Variants in DLGAP2 observed in about 807,000 individuals in gnomAD.
The protein encoded by DLGAP2 is DLG associated protein 2, also known as disks large-associated protein 2.
DLGAP2 carries 26 observed loss-of-function variants against 100.3 expected under a neutral mutation model. That is an observed-to-expected ratio of 0.26 (90% CI 0.19 to 0.36). The LOEUF (loss-of-function observed/expected upper bound fraction) is 0.36. Ranked by LOEUF, DLGAP2 falls within the 10% of genes least tolerant of loss-of-function variation. DLGAP2 has a pLI of 1.00. For synonymous variants in DLGAP2, 886 were observed against 630.1 expected (o/e 1.41, Z -6.08); for missense variants, 1,858 against 1,453.2 (o/e 1.28, Z -4.53).
intron 2 of DLGAP2, among the ~76,000 whole-genome samples, chr8:987,220 G>A (rs1800513510): frequency 6.6e-6 from 1 of 152,126 alleles, no homozygotes; most frequent in South Asian, 2.1e-4. Context: ...GCCCTGGCCG[G>A]GGTCGCCTGA....
intron 5 of DLGAP2, among the ~76,000 whole-genome samples, chr8:1,554,734 C>T (rs1040776088): frequency 6.6e-6 from 1 of 152,118 alleles, no homozygotes; most frequent in Non-Finnish European, 1.5e-5. Context: ...TCCCATGTTC[C>T]AGAACTTGGC....
chr8:1,174,564 C>T (rs1454917737), intron 2 of DLGAP2, among the ~76,000 whole-genome samples: 1 of 148,704 alleles, frequency 6.7e-6, no homozygotes, highest in Non-Finnish European at 1.5e-5. Flanking sequence ...GTCATTATTA[C>T]CATCACCACC....
rs150944691 is a variant in DLGAP2 at position 899,258 on chromosome 8, C to T, written c.19-8654C>T. Among the ~76,000 whole-genome samples, 1,349 of 152,330 alleles carry T rather than the reference C, an allele frequency of 8.9e-3. 14 individuals are homozygous for T. Among genetic ancestry groups the T allele is most frequent in the Non-Finnish European group, 0.014 (920 of 68,020 alleles). On this transcript the variant is annotated intron_variant, in intron 1 of 14. Transcript: ENST00000637795. Reference sequence around the variant, plus strand: ...TACGAGCTGTGGTTTTGCCTGAACACGGAAGGTGCAGCACAGCCTGTGAGC... The same window carrying T: ...TACGAGCTGTGGTTTTGCCTGAACATGGAAGGTGCAGCACAGCCTGTGAGC...
At chr8:849,058 C>T (rs1017261437) in intron 1 of DLGAP2, among the ~76,000 whole-genome samples, 59 of 151,386 alleles carry the variant, frequency 3.9e-4, no homozygotes, top group African/African-American at 1.2e-3. Flanking sequence ...TAGGATGTGC[C>T]GTGTCTGTTC....
intron 1 of DLGAP2, 158 bp downstream of exon 1, chr8:737,983 G>T (rs1251646293): frequency 4.5e-5 from 15 of 330,388 alleles, no homozygotes; most frequent in Non-Finnish European, 7.1e-5. Context: ...GGGCCGGAGC[G>T]CTGGGGACCC....
At chr8:1,254,962 CCTCTCATCCTGTCCGGGTGCTGTGTG>C (rs1799145224) in intron 2 of DLGAP2, among the ~76,000 whole-genome samples, 1 of 59,400 alleles carries the variant, frequency 1.7e-5, no homozygotes. Flanking sequence ...GTGTGTGTGT[CCTCTCATCCTGTCCGGGTGCTGTGTG>C]TGTGTCCTCT....
At position 759,625 on chromosome 8, in the gene DLGAP2, G is replaced by T. The variant is rs185825563; in HGVS notation, c.18+21800G>T. Reference sequence around the variant, plus strand: ...GGCTGCACGTTCCCGGGACTGGGACGGGTGTGCATAGGTCTGAGTCCAGCA... The same window carrying T: ...GGCTGCACGTTCCCGGGACTGGGACTGGTGTGCATAGGTCTGAGTCCAGCA... On this transcript the variant is annotated intron_variant, in intron 1 of 14. Transcript: ENST00000637795. Among the ~76,000 whole-genome samples, 81 of 152,302 alleles carry T rather than the reference G, an allele frequency of 5.3e-4. 1 individual carries two copies. The highest frequency in any genetic ancestry group is 3.4e-3 in the Middle Eastern group (1 of 294).
At chr8:1,555,904 C>T (rs189069439) in intron 5 of DLGAP2, among the ~76,000 whole-genome samples, 1 of 152,362 alleles carries the variant, frequency 6.6e-6, no homozygotes, top group East Asian at 1.9e-4. Flanking sequence ...TCCTTCACGC[C>T]TCCGTTTGTG....
intron 1 of DLGAP2, among the ~76,000 whole-genome samples, chr8:771,293 T>C (rs1821352548): frequency 6.6e-6 from 1 of 152,384 alleles, no homozygotes; most frequent in East Asian, 1.9e-4. Flanking sequence ...AAACGTGCTG[T>C]GCAGAGGCAT....
intron 2 of DLGAP2, among the ~76,000 whole-genome samples, chr8:1,194,728 G>T (rs985888924): frequency 3.3e-5 from 5 of 152,192 alleles, no homozygotes; most frequent in African/African-American, 1.2e-4. Context: ...GCTGTGGAGA[G>T]TCCCTGGGCC....
chr8:1,541,968 G>C lies in DLGAP2; in HGVS notation c.173-6658G>C, dbSNP rs1801376641. The stretch of plus-strand genomic sequence containing the variant: ...TGTATATGACTGTCACAGGACCTTT[G>C]ATTATTGATTTAAGAGCCTCAGATG... On this transcript the variant is annotated intron_variant, in intron 4 of 14. Coordinates refer to ENST00000637795, the MANE Select transcript of DLGAP2 (RefSeq NM_001346810.2). Among the ~76,000 whole-genome samples, 3 of 152,328 alleles carry C rather than the reference G, an allele frequency of 2.0e-5. No homozygotes were observed. In the South Asian group the frequency reaches 6.2e-4, roughly 32 times the overall value.
At chr8:883,977 T>G (rs1217827712) in intron 1 of DLGAP2, among the ~76,000 whole-genome samples, 1 of 152,254 alleles carries the variant, frequency 6.6e-6, no homozygotes, top group East Asian at 1.9e-4. Flanking sequence ...ATCTCTTTGC[T>G]TTTTATAGCT....
At chr8:1,646,640 T>A (rs996491380) in intron 8 of DLGAP2, among the ~76,000 whole-genome samples, 2 of 152,138 alleles carry the variant, frequency 1.3e-5, no homozygotes, top group East Asian at 3.9e-4. Flanking sequence ...CTTCAGTCCT[T>A]GTAGCTGTGT....
At chr8:967,816 CTATATATATATATATATATATATATA>C (rs1175736398) in intron 2 of DLGAP2, among the ~76,000 whole-genome samples, 480 of 2,584 alleles carry the variant, frequency 0.19, 43 homozygotes, top group Middle Eastern at 0.5. Context: ...TTGAACACCA[CTATATATATATATATATATATATATA>C]TATATATATA....
At chr8:1,255,019 T>A (rs1312081969) in intron 2 of DLGAP2, among the ~76,000 whole-genome samples, 4 of 115,654 alleles carry the variant, frequency 3.5e-5, no homozygotes, top group African/African-American at 1.4e-4. Context: ...GGGCGCTGTG[T>A]GTGTGTCTTC....
intron 2 of DLGAP2, among the ~76,000 whole-genome samples, chr8:917,662 A>G (rs1455555862): frequency 6.6e-6 from 1 of 151,244 alleles, no homozygotes; most frequent in Non-Finnish European, 1.5e-5. Flanking sequence ...CTCATTGCAA[A>G]CTCCACCTCC....
chr8:1,095,573 G>A (rs1804341654), intron 2 of DLGAP2, among the ~76,000 whole-genome samples: 4 of 152,190 alleles, frequency 2.6e-5, no homozygotes, highest in Admixed American at 1.3e-4. Context: ...CGTCAACACT[G>A]TTGTGAGGCT....
intron 3 of DLGAP2, among the ~76,000 whole-genome samples, chr8:1,371,533 T>C (rs1452120212): frequency 1.3e-5 from 2 of 152,184 alleles, no homozygotes; most frequent in East Asian, 3.9e-4. Context: ...GCTTCTGTAA[T>C]TGGAAATCTC....
intron 2 of DLGAP2, chr8:1,137,704 A>G (rs1381360721): frequency 6.6e-6 from 1 of 152,166 alleles, no homozygotes; most frequent in Non-Finnish European, 1.5e-5. Context: ...TGCTCTTTCT[A>G]CTATATAAAC....
Sources: allele counts gnomAD v4.1 joint callset (sites outside exome capture counted in the v4.1 genomes callset), GRCh38; gene constraint gnomAD v4.1.1; transcripts MANE v1.5; gene names NCBI Gene and HGNC (gene_info 2026-07-23, HGNC 2026-07-21).